NCBP1: variants seen among roughly 807,000 people sequenced by gnomAD.
NCBP1 encodes nuclear cap binding protein subunit 1.
A neutral mutation model predicts 111.7 loss-of-function variants in NCBP1; 16 were observed. That is an observed-to-expected ratio of 0.14 (90% CI 0.10 to 0.22). NCBP1 has a LOEUF of 0.22. Ranked by LOEUF, NCBP1 falls within the 10% of genes least tolerant of loss-of-function variation. The probability of loss-of-function intolerance (pLI) is 1.00; values close to 1 mark genes in which losing one functional copy is unlikely to be tolerated. For missense variants in NCBP1, 607 were observed against 957.5 expected (o/e 0.63, Z 4.83); for synonymous variants, 304 against 314.3 (o/e 0.97, Z 0.35).
At chr9:97,648,490 G>C (rs1827409558) in intron 8 of NCBP1, among the ~76,000 whole-genome samples, 1 of 152,052 alleles carries the variant, frequency 6.6e-6, no homozygotes, top group African/African-American at 2.4e-5. Flanking sequence ...GAGCTACGTT[G>C]GTTTGTGTTT....
At chr9:97,646,315 A>C (rs571041586) in intron 6 of NCBP1, among the ~76,000 whole-genome samples, 2 of 152,202 alleles carry the variant, frequency 1.3e-5, no homozygotes, top group Non-Finnish European at 2.9e-5. Context: ...TCCTAAGCCA[A>C]TGTAAAAGCT....
intron 3 of NCBP1, 132 bp from the exon 4 acceptor site, chr9:97,643,072 A>G: frequency 1.2e-6 from 1 of 831,258 alleles, no homozygotes; most frequent in Non-Finnish European, 1.8e-6. Flanking sequence ...CTTTTTCTGA[A>G]GTATTTTTAA....
At chr9:97,655,925 G>T (rs1245142884) in intron 13 of NCBP1, 86 bp from the exon 14 acceptor site, 1 of 1,390,026 alleles carries the variant, frequency 7.2e-7, no homozygotes, top group Non-Finnish European at 1.0e-6. Context: ...CTTGTAAGTT[G>T]TTATAAGTTA....
At chr9:97,658,166 C>T (rs1438144484) in intron 14 of NCBP1, among the ~76,000 whole-genome samples, 1 of 151,926 alleles carries the variant, frequency 6.6e-6, no homozygotes, top group Non-Finnish European at 1.5e-5. Context: ...TTGGTGGACA[C>T]ACATCCATCC....
At position 97,643,324 on chromosome 9, in the gene NCBP1, A is replaced by T. The variant is rs1422826337; in HGVS notation, c.345A>T (p.Ser115=). The change falls in exon 4 of 23, where the codon TCA becomes TCT. Residue 115 remains serine (S), a synonymous_variant. Transcript: ENST00000375147. ...CCATGATTCGTCAACTTAAAGAATC[A>T]TTGAAAGCAAACAATTATAATGAAG... ...VEAMIRQLKE[S]LKANNYNEAV... 6.2e-7 allele frequency: 1 copy of T among 1,606,024 alleles called. No homozygotes were observed.
Position 97,640,782 on chromosome 9 carries a change from T to C in NCBP1, c.35-12T>C, listed in dbSNP as rs1187836059. The C allele has an allele frequency of 6.3e-7, 1 of 1,587,968 alleles. No individual in the cohort carries two copies. ...TATCATGTAATGTTAATTTTTTATG[T>C]TGCTGAAATAGGTGGGCAGCCTCAC... On this transcript the variant is annotated splice_polypyrimidine_tract_variant and intron_variant, in intron 1 of 22. Coordinates refer to ENST00000375147, the MANE Select transcript of NCBP1 (RefSeq NM_002486.5).
chr9:97,649,838 A>G (rs1041122724), intron 8 of NCBP1, among the ~76,000 whole-genome samples: 1 of 151,770 alleles, frequency 6.6e-6, no homozygotes, highest in African/African-American at 2.4e-5. Context: ...GTGCATATCC[A>G]TCCCTTGCTA....
chr9:97,668,102 T>C (rs1328911088), intron 20 of NCBP1, among the ~76,000 whole-genome samples: 1 of 152,192 alleles, frequency 6.6e-6, no homozygotes, highest in Admixed American at 6.5e-5. Context: ...CTCGAAGAAT[T>C]ACCAGGCTTT....
intron 8 of NCBP1, among the ~76,000 whole-genome samples, chr9:97,650,250 G>C (rs1389164785): frequency 6.6e-6 from 1 of 152,110 alleles, no homozygotes; most frequent in African/African-American, 2.4e-5. Flanking sequence ...TATAATAATT[G>C]GTGTGTAAAG....
chr9:97,641,842 A>G (rs1387706519), intron 3 of NCBP1, among the ~76,000 whole-genome samples, 180 bp downstream of exon 3: 9 of 152,146 alleles, frequency 5.9e-5, no homozygotes. Context: ...TTAGGGATAA[A>G]ACTAAAATTG....
At chr9:97,664,205 A>G in intron 18 of NCBP1, 135 bp from the exon 19 acceptor site, 2 of 537,520 alleles carry the variant, frequency 3.7e-6, no homozygotes, top group East Asian at 6.0e-5. Context: ...GGTCAGATTG[A>G]TCAATCAATT....
chr9:97,655,202 T>TTTA (rs1827615053), intron 12 of NCBP1, among the ~76,000 whole-genome samples: 1 of 152,204 alleles, frequency 6.6e-6, no homozygotes, highest in Non-Finnish European at 1.5e-5. Context: ...TATAAAATGT[T>TTTA]TTATCTGCAA....
Position 97,671,394 on chromosome 9 carries a change from T to C in NCBP1, c.*195T>C. The C allele has an allele frequency of 1.9e-6, 1 of 536,442 alleles. No individual in the cohort carries two copies. The allele number at this position is 536,442 out of a possible 1,614,324, so 33.2% of individuals were successfully genotyped here. A position where few individuals can be genotyped will look rare whatever the true frequency, so the allele number is the denominator to read the frequency against. On this transcript the variant is annotated 3_prime_UTR_variant, in exon 23 of 23. Coordinates refer to ENST00000375147, the MANE Select transcript of NCBP1 (RefSeq NM_002486.5). ...AGCAAATACTTCCTAACGGCAGTAA[T>C]GTGACTATGACCATGATATATTATA... is the stretch of plus-strand genomic sequence containing the variant.
At chr9:97,659,112 G>A (rs1268995434) in intron 15 of NCBP1, among the ~76,000 whole-genome samples, 1 of 152,204 alleles carries the variant, frequency 6.6e-6, no homozygotes, top group Non-Finnish European at 1.5e-5. Flanking sequence ...CATATTTGTG[G>A]CAGTATGCCT....
chr9:97,651,162 G>T, intron 9 of NCBP1, 148 bp from the exon 10 acceptor site: 1 of 522,890 alleles, frequency 1.9e-6, no homozygotes, highest in South Asian at 3.9e-5. Flanking sequence ...AATAATTTAT[G>T]CCATAGTTAA....
At position 97,660,964 on chromosome 9, in the gene NCBP1, C is replaced by T; in HGVS notation, c.1496C>T (p.Ser499Phe). The change falls in exon 16 of 23, where the codon TCT (serine) becomes TTT (phenylalanine). Residue 499 changes from serine to phenylalanine, a missense_variant. This residue lies in a region of NCBP1 where 282 missense variants were observed against 376.5 expected (regional missense o/e 0.75). Transcript: ENST00000375147. Reference sequence around the variant, plus strand: ...TGTTTAGATTCTCTTCCTGGACATTCTGTTGCCCTCTGTTTAGCTGTTGCC... The same window carrying T: ...TGTTTAGATTCTCTTCCTGGACATTTTGTTGCCCTCTGTTTAGCTGTTGCC... ...DESSNSLPGH[S>F]VALCLAVAFK... The T allele has an allele frequency of 6.2e-7, 1 of 1,611,898 alleles. No individual in the cohort carries two copies. The highest frequency in any genetic ancestry group is 8.5e-7 in the Non-Finnish European group (1 of 1,179,410).
rs771750064 is a variant in NCBP1 at position 97,668,857 on chromosome 9, TGAC to T, written c.2032_2034del (p.Asp678del). 2.5e-6 allele frequency: 4 copies of T among 1,611,614 alleles called. No individual in the cohort carries two copies. Among genetic ancestry groups the T allele is most frequent in the East Asian group, 2.2e-5 (1 of 44,846 alleles). On this transcript the variant is annotated inframe_deletion, in exon 21 of 23. Transcript: ENST00000375147. ...TTTGCCTTCTATAGCGAAGTGATGATGACGACAGAAGCAGTGACAGGAAAGACG... is the reference window on the plus strand; with the variant it reads ...TTTGCCTTCTATAGCGAAGTGATGATGACAGAAGCAGTGACAGGAAAGACG...
At position 97,672,080 on chromosome 9, in the gene NCBP1, A is replaced by G. The variant is rs553855009; in HGVS notation, c.*881A>G. Reference sequence around the variant, plus strand: ...AGATGTGAGTTTAGATTTTGTTTATATGGAACCTGATCCAAAAAACTACGA... The same window carrying G: ...AGATGTGAGTTTAGATTTTGTTTATGTGGAACCTGATCCAAAAAACTACGA... On this transcript the variant is annotated 3_prime_UTR_variant, in exon 23 of 23. Coordinates refer to ENST00000375147, the MANE Select transcript of NCBP1 (RefSeq NM_002486.5). The G allele has an allele frequency of 6.6e-6, 1 of 152,342 alleles. No individual in the cohort carries two copies. The highest frequency in any genetic ancestry group is 1.9e-4 in the East Asian group (1 of 5,192). 9.4% of individuals were successfully genotyped at this position (152,342 alleles called of 1,614,324 possible).
At chr9:97,661,190 CTGT>C in intron 16 of NCBP1, 122 bp downstream of exon 16, 1 of 1,222,836 alleles carries the variant, frequency 8.2e-7, no homozygotes, top group South Asian at 1.6e-5. Context: ...CCTGTTCAGA[CTGT>C]TGTTCTTAGC....
Sources: gnomAD v4.1 joint callset for allele counts (sites outside exome capture counted in the v4.1 genomes callset) on GRCh38, gnomAD v4.1.1 for gene constraint, gnomAD v4.1.1 regional missense constraint, MANE v1.5 for transcripts, NCBI Gene and HGNC (gene_info 2026-07-23, HGNC 2026-07-21) for gene names.